CACNA1C: variants seen among roughly 807,000 people sequenced by gnomAD.
The protein encoded by CACNA1C is calcium voltage-gated channel subunit alpha1 C, also known as voltage-dependent L-type calcium channel subunit alpha-1C.
A neutral mutation model predicts 229.0 loss-of-function variants in CACNA1C; 30 were observed. That is an observed-to-expected ratio of 0.13 (90% CI 0.10 to 0.18). The LOEUF is 0.18. Ranked by LOEUF, CACNA1C falls within the 10% of genes least tolerant of loss-of-function variation. The pLI is 1.00. For synonymous variants in CACNA1C, 1,114 were observed against 1,132.5 expected, an observed-to-expected ratio of 0.98 and a Z score of 0.33; for missense variants, 1,658 against 2,845.0, an observed-to-expected ratio of 0.58 and a Z score of 9.49.
rs561194434 is a variant in CACNA1C at position 1,992,104 on chromosome 12, A to T, written c.139+20903A>T. 164 of 330,714 alleles carry T rather than the reference A, an allele frequency of 5.0e-4. 2 individuals carry two copies. The South Asian group carries it at 5.0e-3, about 10-fold the overall frequency. The allele number at this position is 330,714 out of a possible 1,614,324, so 20.5% of individuals were successfully genotyped here. A position where few individuals can be genotyped will look rare whatever the true frequency, so the allele number is the denominator to read the frequency against. ...TGGAATTCCAAGTCTTTAGTAATAA[A>T]CTACAATTGATAAAGTGTACCTTTC... On this transcript the variant is annotated intron_variant, in intron 1 of 46. Coordinates refer to the CACNA1C transcript ENST00000682462.
At chr12:2,432,922 G>T (rs920617476) in intron 3 of CACNA1C, among the ~76,000 whole-genome samples, 1 of 152,052 alleles carries the variant, frequency 6.6e-6, no homozygotes, top group Non-Finnish European at 1.5e-5. Context: ...GACTGAAGAG[G>T]GCAAACAAAG....
chr12:2,625,385 T>C (rs1030819804), intron 29 of CACNA1C, among the ~76,000 whole-genome samples: 11 of 152,088 alleles, frequency 7.2e-5, no homozygotes, highest in East Asian at 3.9e-4. Flanking sequence ...ACCGGTCTGG[T>C]AGGAAGAAGA....
intron 3 of CACNA1C, among the ~76,000 whole-genome samples, chr12:2,328,999 C>T (rs2096445769): frequency 6.6e-6 from 1 of 152,118 alleles, no homozygotes. Context: ...TTTTACCTCT[C>T]GGATTGATTT....
intron 1 of CACNA1C, among the ~76,000 whole-genome samples, chr12:2,025,633 C>G (rs976489129): frequency 2.6e-5 from 4 of 152,198 alleles, no homozygotes; most frequent in Non-Finnish European, 5.9e-5. Flanking sequence ...TCTTCTGACT[C>G]AAATCCTCTT....
intron 29 of CACNA1C, among the ~76,000 whole-genome samples, chr12:2,620,790 A>G (rs993406875): frequency 1.3e-5 from 2 of 152,252 alleles, no homozygotes. Context: ...TTGGGGACAC[A>G]AAAATTGCCA....
chr12:2,451,831 G>A (rs1413783816), intron 4 of CACNA1C, among the ~76,000 whole-genome samples: 1 of 152,230 alleles, frequency 6.6e-6, no homozygotes, highest in African/African-American at 2.4e-5. Flanking sequence ...AAGCCACAGA[G>A]GTTAAGATGC....
intron 3 of CACNA1C, among the ~76,000 whole-genome samples, chr12:2,326,629 T>C (rs1161678080): frequency 6.6e-6 from 1 of 152,258 alleles, no homozygotes; most frequent in Non-Finnish European, 1.5e-5. Context: ...CGCCATGCTG[T>C]GTCTCCTAGT....
Position 1,971,216 on chromosome 12 carries a change from A to C in CACNA1C, c.139+15A>C, listed in dbSNP as rs1437981066. 7.9e-7 allele frequency: 1 copy of C among 1,270,808 alleles called. No individual in the cohort carries two copies. Among genetic ancestry groups the C allele is most frequent in the South Asian group, 1.2e-5 (1 of 80,342 alleles). 78.7% of individuals were successfully genotyped at this position (1,270,808 alleles called of 1,614,324 possible). ...CTCTCCTGGAGGTAAGAAACCCTAA[A>C]GTGAAATAAAGAGTAGGAAGAACAT... On this transcript the variant is annotated intron_variant, in intron 1 of 46. Coordinates refer to the CACNA1C transcript ENST00000682462. The surrounding 1 kb of genome is among the most constrained non-coding windows in gnomAD (Gnocchi z 4.2).
intron 1 of CACNA1C, among the ~76,000 whole-genome samples, chr12:2,037,911 C>T (rs923326738): frequency 2.0e-5 from 3 of 152,102 alleles, no homozygotes; most frequent in Non-Finnish European, 4.4e-5. Context: ...TGGTCTAGCC[C>T]ACTGGAAAAC....
At chr12:2,229,278 A>T (rs2063980935) in intron 3 of CACNA1C, among the ~76,000 whole-genome samples, 1 of 152,170 alleles carries the variant, frequency 6.6e-6, no homozygotes, top group Non-Finnish European at 1.5e-5. Context: ...TGCAGGCTTG[A>T]TACAGGCCTC....
At chr12:2,613,382 T>C (rs987203105) in intron 29 of CACNA1C, 4 of 152,218 alleles carry the variant, frequency 2.6e-5, no homozygotes, top group Admixed American at 6.5e-5. Context: ...CTTCACTGTA[T>C]TTTCCACCAC....
intron 29 of CACNA1C, among the ~76,000 whole-genome samples, chr12:2,620,313 G>A (rs1257852401): frequency 6.6e-6 from 1 of 151,982 alleles, no homozygotes; most frequent in Non-Finnish European, 1.5e-5. Flanking sequence ...AAAATCCTGG[G>A]ATTCTATTGC....
At chr12:2,045,756 A>G (rs2050935554) in intron 1 of CACNA1C, among the ~76,000 whole-genome samples, 1 of 152,072 alleles carries the variant, frequency 6.6e-6, no homozygotes, top group Non-Finnish European at 1.5e-5. Flanking sequence ...AGGGTAGCGC[A>G]GTGGGTTGAA....
At position 2,691,061 on chromosome 12, in the gene CACNA1C, C is replaced by T. The variant is rs768208850; in HGVS notation, c.6279C>T (p.Ala2093=). The T allele has an allele frequency of 6.8e-6, 11 of 1,608,548 alleles. No individual in the cohort carries two copies. The highest frequency in any genetic ancestry group is 3.3e-4 in the Middle Eastern group (2 of 6,072). Residue 2093 remains alanine, a synonymous_variant, in exon 47 of 47, where the codon GCC becomes GCT. Transcript: ENST00000399655. ...GCGCCCCACAGAGCCCCAATGGCGC[C>T]CTCTTACCCTTTGTGAACTGCAGGG... ...SGGAPQSPNG[A]LLPFVNCRDA...
intron 3 of CACNA1C, among the ~76,000 whole-genome samples, chr12:2,191,423 A>G (rs894373974): frequency 4.6e-5 from 7 of 152,092 alleles, no homozygotes; most frequent in Non-Finnish European, 8.8e-5. Flanking sequence ...CGCTGGCTCC[A>G]GGCTCACCGG....
At position 2,608,770 on chromosome 12, in the gene CACNA1C, C is replaced by T. The variant is rs575838402; in HGVS notation, c.3558+58C>T. 2.4e-5 allele frequency: 37 copies of T among 1,554,824 alleles called. No individual in the cohort carries two copies. The highest frequency in any genetic ancestry group is 1.5e-4 in the South Asian group (13 of 87,492). On this transcript the variant is annotated intron_variant, in intron 27 of 46. Coordinates refer to ENST00000399655, the MANE Select transcript of CACNA1C (RefSeq NM_000719.7). This position sits in a 1 kb window ranked among gnomAD's most constrained non-coding sequence, Gnocchi z 4.2. ...GGCCCACGGAGGGAATGGCAGCCTG[C>T]GGCCCACCCCGCAGAGGGGCTGCGA...
At position 2,597,131 on chromosome 12, in the gene CACNA1C, T is replaced by G. The variant is rs2068683844; in HGVS notation, c.2794-99T>G. On this transcript the variant is annotated intron_variant, in intron 20 of 46. Transcript: ENST00000399655. This position sits in a 1 kb window ranked among gnomAD's most constrained non-coding sequence, Gnocchi z 4.3. ...AAGTGCCAGGCATCTCATTTTGAAG[T>G]GTGGCCCCTTTTCTGGTGAACATCC... is the stretch of plus-strand genomic sequence containing the variant. 1.3e-6 allele frequency: 1 copy of G among 763,878 alleles called. No individual in the cohort carries two copies. The highest frequency in any genetic ancestry group is 2.3e-6 in the Non-Finnish European group (1 of 433,742). 47.3% of individuals were successfully genotyped at this position (763,878 alleles called of 1,614,324 possible).
At chr12:2,100,480 C>CA (rs34845739) in intron 1 of CACNA1C, among the ~76,000 whole-genome samples, 14,633 of 118,452 alleles carry the variant, frequency 0.12, 1,044 homozygotes, top group Middle Eastern at 0.19. Flanking sequence ...AAAAAAAAAA[C>CA]AAAAAAAAAA....
At chr12:2,042,708 G>A (rs1270985183) in intron 1 of CACNA1C, among the ~76,000 whole-genome samples, 5 of 152,276 alleles carry the variant, frequency 3.3e-5, no homozygotes, top group Admixed American at 2.6e-4. Context: ...CAGGAGAAGC[G>A]GCAGGTGGGC....
Sources: gnomAD v4.1 joint callset for allele counts (sites outside exome capture counted in the v4.1 genomes callset) on GRCh38, gnomAD v4.1.1 for gene constraint, Gnocchi (gnomAD v3.1) non-coding constraint, MANE v1.5 for transcripts, NCBI Gene and HGNC (gene_info 2026-07-23, HGNC 2026-07-21) for gene names.